The following RBFOX1 variants were observed in gnomAD, a reference collection of about 807,000 sequenced individuals.
The protein encoded by RBFOX1 is RNA binding fox-1 homolog 1, also known as RNA binding protein fox-1 homolog 1.
In RBFOX1, 8 loss-of-function variants were observed where a neutral mutation model predicts 57.7. The ratio of observed to expected loss-of-function variants is 0.14; its 90% CI spans 0.08 to 0.25. The LOEUF (loss-of-function observed/expected upper bound fraction) is 0.25. Among genes scored for constraint, RBFOX1 ranks in the 10% least tolerant of loss-of-function variants. The pLI, the probability that RBFOX1 is intolerant of heterozygous loss-of-function variation, is 1.00. For missense variants in RBFOX1, 611 were observed against 548.5 expected (o/e 1.11, Z -1.14); for synonymous variants, 326 against 222.4 (o/e 1.47, Z -4.15).
chr16:6,894,644 T>C (rs1479469866), intron 3 of RBFOX1, among the ~76,000 whole-genome samples: 4 of 152,322 alleles, frequency 2.6e-5, no homozygotes, highest in Admixed American at 1.3e-4. Context: ...TCTCTCACTT[T>C]ATAACAGCAG....
At chr16:5,795,807 A>C (rs1219248966) in intron 3 of RBFOX1, among the ~76,000 whole-genome samples, 1 of 152,216 alleles carries the variant, frequency 6.6e-6, no homozygotes, top group East Asian at 1.9e-4. Flanking sequence ...CCTTCTGTTT[A>C]CATTCATTGG....
chr16:5,926,373 C>G (rs2058941485), intron 4 of RBFOX1, among the ~76,000 whole-genome samples: 1 of 151,926 alleles, frequency 6.6e-6, no homozygotes, highest in South Asian at 2.1e-4. Flanking sequence ...TAATCAGCTT[C>G]CTAGGGAGTC....
At chr16:5,500,216 C>CATT (rs1567166495) in intron 2 of RBFOX1, among the ~76,000 whole-genome samples, 3 of 145,396 alleles carry the variant, frequency 2.1e-5, no homozygotes, top group African/African-American at 5.0e-5. Flanking sequence ...CATTGCATTC[C>CATT]GTTCCGTTCC....
intron 1 of RBFOX1, among the ~76,000 whole-genome samples, chr16:5,443,811 A>G (rs1373941280): frequency 1.3e-5 from 2 of 152,232 alleles, no homozygotes; most frequent in South Asian, 2.1e-4. Flanking sequence ...GAACAGGACT[A>G]TCGCTACTTA....
intron 14 of RBFOX1, among the ~76,000 whole-genome samples, chr16:7,696,243 T>C (rs949540581): frequency 2.0e-5 from 3 of 152,224 alleles, no homozygotes; most frequent in Non-Finnish European, 2.9e-5. Context: ...AAAGAATGTG[T>C]GCTCTGTTGG....
At chr16:6,247,222 T>G (rs2097574244) in intron 1 of RBFOX1, among the ~76,000 whole-genome samples, 1 of 152,208 alleles carries the variant, frequency 6.6e-6, no homozygotes, top group Non-Finnish European at 1.5e-5. Flanking sequence ...ACTCACTTTC[T>G]TCCCCTTGTC....
intron 4 of RBFOX1, among the ~76,000 whole-genome samples, chr16:7,212,711 C>G (rs907729687): frequency 3.9e-5 from 6 of 152,080 alleles, no homozygotes; most frequent in Non-Finnish European, 7.4e-5. Context: ...AGGACAAATA[C>G]CTAAAGCATG....
At chr16:6,080,199 C>G (rs1260572792) in intron 1 of RBFOX1, among the ~76,000 whole-genome samples, 1 of 152,088 alleles carries the variant, frequency 6.6e-6, no homozygotes, top group African/African-American at 2.4e-5. Flanking sequence ...CCAATCTTCC[C>G]TTGGCGCTGA....
chr16:7,618,242 AT>A (rs574296800), intron 10 of RBFOX1, among the ~76,000 whole-genome samples: 17 of 152,298 alleles, frequency 1.1e-4, no homozygotes, highest in African/African-American at 4.1e-4. Flanking sequence ...AACAATTATA[AT>A]TAAAAATAAA....
At chr16:7,247,530 T>G (rs567252101) in intron 4 of RBFOX1, among the ~76,000 whole-genome samples, 22 of 152,312 alleles carry the variant, frequency 1.4e-4, no homozygotes. Context: ...TAAGACCCTG[T>G]GCCTGCCACA....
At chr16:5,675,806 C>G (rs74004480) in intron 3 of RBFOX1, among the ~76,000 whole-genome samples, 3,503 of 152,212 alleles carry the variant, frequency 0.023, 136 homozygotes, top group African/African-American at 0.079. Flanking sequence ...TCTCCTCTGG[C>G]AGCTCCTGGA....
chr16:5,673,995 C>G (rs529584180), intron 3 of RBFOX1, among the ~76,000 whole-genome samples: 23 of 152,318 alleles, frequency 1.5e-4, no homozygotes, highest in Non-Finnish European at 2.2e-4. Flanking sequence ...ACAAGTGCTT[C>G]TGTGTGTGAC....
At chr16:5,531,870 C>T (rs147977115) in intron 2 of RBFOX1, among the ~76,000 whole-genome samples, 1,636 of 149,496 alleles carry the variant, frequency 0.011, 12 homozygotes, top group Non-Finnish European at 0.019. Context: ...GGTGCGATTA[C>T]AGCTCACTGC....
chr16:6,630,581 G>A (rs1397748456), intron 2 of RBFOX1, among the ~76,000 whole-genome samples: 2 of 152,154 alleles, frequency 1.3e-5, no homozygotes, highest in Non-Finnish European at 2.9e-5. Flanking sequence ...CTAAGATCTA[G>A]TCAACTAATT....
chr16:7,376,938 C>G (rs530695235), intron 4 of RBFOX1, among the ~76,000 whole-genome samples: 4 of 152,086 alleles, frequency 2.6e-5, no homozygotes, highest in South Asian at 2.1e-4. Context: ...AATGACTGGC[C>G]TCATACAAGA....
intron 4 of RBFOX1, among the ~76,000 whole-genome samples, chr16:7,053,670 G>T (rs1006323823): frequency 6.6e-6 from 1 of 152,144 alleles, no homozygotes; most frequent in African/African-American, 2.4e-5. Context: ...CCATTTATGA[G>T]TCCATTGTCG....
At chr16:6,517,068 G>A (rs997477063) in intron 2 of RBFOX1, among the ~76,000 whole-genome samples, 1 of 152,114 alleles carries the variant, frequency 6.6e-6, no homozygotes, top group Non-Finnish European at 1.5e-5. Context: ...CAAATATAGA[G>A]GTGGAAGGCA....
chr16:6,107,775 G>A (rs935265550), intron 1 of RBFOX1, among the ~76,000 whole-genome samples: 1 of 151,782 alleles, frequency 6.6e-6, no homozygotes, highest in African/African-American at 2.4e-5. Context: ...GTGGGTGGAT[G>A]GATGGATGGG....
intron 1 of RBFOX1, among the ~76,000 whole-genome samples, chr16:6,030,129 T>A (rs1443831086): frequency 6.6e-6 from 1 of 152,218 alleles, no homozygotes; most frequent in African/African-American, 2.4e-5. Flanking sequence ...GATTTCACCA[T>A]GTTGCCCAGG....
Sources: allele counts gnomAD v4.1 joint callset (sites outside exome capture counted in the v4.1 genomes callset), GRCh38; gene constraint gnomAD v4.1.1; transcripts MANE v1.5; gene names NCBI Gene and HGNC (gene_info 2026-07-23, HGNC 2026-07-21).